SH3D19: variants seen among roughly 807,000 people sequenced by gnomAD.
SH3D19 encodes SH3 domain-containing protein 19.
A neutral mutation model predicts 112.1 loss-of-function variants in SH3D19; 58 were observed. That is an observed-to-expected ratio of 0.52 (90% CI 0.42 to 0.64). The LOEUF (loss-of-function observed/expected upper bound fraction) is 0.64, where lower values mean the gene tolerates loss of function less well. Among genes scored for constraint, SH3D19 ranks in the 30% least tolerant of loss-of-function variants. SH3D19 has a pLI of 0.00. For synonymous variants in SH3D19, 391 were observed against 448.5 expected (o/e 0.87, Z 1.62); for missense variants, 1,090 against 1,263.4 (o/e 0.86, Z 2.08).
intron 9 of SH3D19, among the ~76,000 whole-genome samples, chr4:151,150,206 A>AAAAAAAAATAT (rs1273707426): frequency 1.9e-4 from 9 of 46,176 alleles, no homozygotes; most frequent in Non-Finnish European, 3.4e-4. Flanking sequence ...AAAAAAAAAA[A>AAAAAAAAATAT]ATATATATAT....
intron 2 of SH3D19, among the ~76,000 whole-genome samples, chr4:151,196,032 C>T (rs973956447): frequency 2.0e-5 from 3 of 151,802 alleles, no homozygotes; most frequent in African/African-American, 4.8e-5. Context: ...TCCTTATGAA[C>T]GTTTGGGGAA....
Position 151,133,094 on chromosome 4 carries a change from A to G in SH3D19, c.2629T>C (p.Phe877Leu), listed in dbSNP as rs1243556083. ...ACAGGCTCCACAAAGTTCAGGGGGA[A>G]AATCCCAGTTCTGCCTCGAACTTCT... ...RGEVRGRTGI[F>L]PLNFVEPVED... Residue 877 changes from phenylalanine (F) to leucine (L), a missense_variant, in exon 16 of 20, where the codon TTC becomes CTC. Physicochemically the swap from Phe to Leu is conservative, Grantham distance 22. Coordinates refer to ENST00000604030, the MANE Select transcript of SH3D19 (RefSeq NM_001378122.1). 6.2e-7 allele frequency: 1 copy of G among 1,614,142 alleles called. No individual in the cohort carries two copies. The highest frequency in any genetic ancestry group is 1.1e-5 in the South Asian group (1 of 91,088).
chr4:151,217,182 A>T (rs1767266483), intron 2 of SH3D19, among the ~76,000 whole-genome samples: 1 of 152,216 alleles, frequency 6.6e-6, no homozygotes, highest in African/African-American at 2.4e-5. Flanking sequence ...TTTCAGTATT[A>T]AACTAACCCC....
intron 14 of SH3D19, 77 bp downstream of exon 14, chr4:151,137,655 G>A: frequency 8.3e-7 from 1 of 1,198,534 alleles, no homozygotes; most frequent in Non-Finnish European, 1.1e-6. Flanking sequence ...TGGGTTTCTA[G>A]TTATTTTTTC....
chr4:151,199,837 A>G lies in SH3D19; in HGVS notation c.153-12374T>C, dbSNP rs529565955. On this transcript the variant is annotated intron_variant, in intron 2 of 19. Transcript: ENST00000604030. ...TGTTATTTGTAAAATCTTACTTTAA[A>G]AAATATATATTTATTTTGCTATGGT... 1.1e-4 allele frequency among the ~76,000 whole-genome samples: 16 copies of G among 152,314 alleles called. No individual in the cohort carries two copies. In the South Asian group the frequency reaches 2.5e-3, roughly 24 times the overall value.
Position 151,125,845 on chromosome 4 carries a change from C to CAAAAAAAAA in SH3D19, c.3027+1764_3027+1772dup, listed in dbSNP as rs66688611. ...ACAGAGCGAGACTCCATCTCAAAAACAAAAAAAAAAAAAAAAAAAAAGAAA... is the reference window on the plus strand; with the variant it reads ...ACAGAGCGAGACTCCATCTCAAAAACAAAAAAAAAAAAAAAAAAAAAAAAAAAAAAGAAA... On this transcript the variant is annotated intron_variant, in intron 19 of 19. Coordinates refer to ENST00000604030, the MANE Select transcript of SH3D19 (RefSeq NM_001378122.1). 1.0e-3 allele frequency among the ~76,000 whole-genome samples: 97 copies of CAAAAAAAAA among 94,196 alleles called. 1 individual carries two copies. The highest frequency in any genetic ancestry group is 1.3e-3 in the South Asian group (4 of 3,090). 61.8% of individuals were successfully genotyped at this position (94,196 alleles called of 152,430 possible).
At chr4:151,173,776 A>G (rs1290841463) in intron 7 of SH3D19, among the ~76,000 whole-genome samples, 1 of 152,214 alleles carries the variant, frequency 6.6e-6, no homozygotes, top group Non-Finnish European at 1.5e-5. Context: ...AGCCTGTACT[A>G]TTTTGATGCA....
intron 1 of SH3D19, among the ~76,000 whole-genome samples, chr4:151,253,388 C>G (rs1771557531): frequency 6.6e-6 from 1 of 152,172 alleles, no homozygotes; most frequent in Non-Finnish European, 1.5e-5. Flanking sequence ...GTCTGACCAC[C>G]CTATTTAAAA....
intron 2 of SH3D19, 66 bp downstream of exon 2, chr4:151,225,981 G>T: frequency 9.2e-7 from 1 of 1,092,368 alleles, no homozygotes; most frequent in Non-Finnish European, 1.2e-6. Flanking sequence ...CACTTACATT[G>T]CTTCCAAACA....
chr4:151,274,987 C>T (rs780735279), intron 1 of SH3D19, among the ~76,000 whole-genome samples: 1 of 152,126 alleles, frequency 6.6e-6, no homozygotes, highest in Non-Finnish European at 1.5e-5. Context: ...AGATTAGAAC[C>T]CAACCTAATG....
At position 151,214,481 on chromosome 4, in the gene SH3D19, C is replaced by T. The variant is rs1176064662; in HGVS notation, c.152+11566G>A. 6.2e-5 allele frequency among the ~76,000 whole-genome samples: 7 copies of T among 113,194 alleles called. No individual in the cohort carries two copies. The East Asian group carries it at 1.3e-3, about 21-fold the overall frequency. The allele number at this position is 113,194 out of a possible 152,430, so 74.3% of individuals were successfully genotyped here. The stretch of plus-strand genomic sequence containing the variant: ...GGGGGCTGACCCCCCACCTCCCTCC[C>T]GGACGGGGCGGCTGGCCGGGCAGAG... On this transcript the variant is annotated intron_variant, in intron 2 of 19. Transcript: ENST00000604030.
chr4:151,160,969 C>A (rs888779271), intron 8 of SH3D19, among the ~76,000 whole-genome samples: 1 of 152,002 alleles, frequency 6.6e-6, no homozygotes, highest in African/African-American at 2.4e-5. Flanking sequence ...CTTATTCTTA[C>A]AAGGAAATAG....
intron 12 of SH3D19, 152 bp downstream of exon 12, chr4:151,143,758 T>G: frequency 1.2e-6 from 1 of 846,364 alleles, no homozygotes; most frequent in Non-Finnish European, 1.8e-6. Flanking sequence ...TTAGTAGTAA[T>G]TTATTCTAAA....
intron 7 of SH3D19, among the ~76,000 whole-genome samples, chr4:151,172,748 C>T (rs1468721469): frequency 2.0e-5 from 3 of 152,190 alleles, no homozygotes; most frequent in Non-Finnish European, 2.9e-5. Context: ...GACTCCAAAT[C>T]TGAACAGCTA....
chr4:151,247,131 A>G (rs1009461971), intron 1 of SH3D19, among the ~76,000 whole-genome samples: 3 of 152,190 alleles, frequency 2.0e-5, no homozygotes, highest in African/African-American at 7.2e-5. Context: ...CTATAAAATG[A>G]TAAAATTTTT....
chr4:151,256,000 C>T (rs566301044), intron 1 of SH3D19, among the ~76,000 whole-genome samples: 17 of 88,984 alleles, frequency 1.9e-4, no homozygotes, highest in Non-Finnish European at 1.2e-4. Context: ...AGAGGGAGAC[C>T]GTGGAAAGAG....
chr4:151,249,435 A>G (rs1430556291), intron 1 of SH3D19, among the ~76,000 whole-genome samples: 1 of 152,198 alleles, frequency 6.6e-6, no homozygotes, highest in Admixed American at 6.5e-5. Context: ...GAGCAAATGA[A>G]AAATGCTATT....
At chr4:151,216,404 G>T (rs543183480) in intron 2 of SH3D19, among the ~76,000 whole-genome samples, 3 of 152,290 alleles carry the variant, frequency 2.0e-5, no homozygotes, top group South Asian at 2.1e-4. Context: ...ATAACCTAAG[G>T]ATAGATTGAG....
At chr4:151,250,829 T>C (rs1477943481) in intron 1 of SH3D19, among the ~76,000 whole-genome samples, 1 of 152,216 alleles carries the variant, frequency 6.6e-6, no homozygotes, top group African/African-American at 2.4e-5. Flanking sequence ...CAGCATGCTT[T>C]TGTGAACCAA....
Sources: allele counts gnomAD v4.1 joint callset (sites outside exome capture counted in the v4.1 genomes callset), GRCh38; gene constraint gnomAD v4.1.1; transcripts MANE v1.5; gene names NCBI Gene and HGNC (gene_info 2026-07-23, HGNC 2026-07-21).